ACTL6A: variants seen among roughly 807,000 people sequenced by gnomAD.
ACTL6A encodes actin like 6A, also known as actin-like protein 6A.
Under a neutral mutation model 59.2 loss-of-function variants are expected in ACTL6A, and 5 were observed. The ratio of observed to expected loss-of-function variants is 0.08; its 90% CI spans 0.04 to 0.18. ACTL6A has a LOEUF of 0.18. ACTL6A is among the 10% of genes least tolerant of loss of function. The pLI is 1.00. For synonymous variants in ACTL6A, 154 were observed against 171.8 expected (o/e 0.90, Z 0.81); for missense variants, 285 against 526.9 (o/e 0.54, Z 4.49).
intron 1 of ACTL6A, among the ~76,000 whole-genome samples, chr3:179,566,187 T>A (rs1181336385): frequency 6.6e-6 from 1 of 152,150 alleles, no homozygotes. Flanking sequence ...GCAATTATGT[T>A]GATGTACAGT....
At chr3:179,565,212 G>A (rs1015573761) in intron 1 of ACTL6A, among the ~76,000 whole-genome samples, 2 of 151,988 alleles carry the variant, frequency 1.3e-5, no homozygotes, top group African/African-American at 2.4e-5. Flanking sequence ...CGAGGCGGGC[G>A]GATCACTTGA....
At chr3:179,586,487 GA>G (rs1718494695) in intron 12 of ACTL6A, 58 bp from the exon 13 acceptor site, 1 of 649,732 alleles carries the variant, frequency 1.5e-6, no homozygotes, top group Admixed American at 4.1e-5. Flanking sequence ...AAAAAAAAAA[GA>G]ATTTTCTAAG....
Position 179,570,330 on chromosome 3 carries a change from A to G in ACTL6A, c.277+89A>G. The G allele has an allele frequency of 1.6e-6, 2 of 1,229,952 alleles. No homozygotes were observed. Among genetic ancestry groups the G allele is most frequent in the Admixed American group, 2.8e-5 (1 of 35,954 alleles). The allele number at this position is 1,229,952 out of a possible 1,614,324, so 76.2% of individuals were successfully genotyped here. On this transcript the variant is annotated intron_variant, in intron 3 of 13. Transcript: ENST00000429709. This position sits in a 1 kb window ranked among gnomAD's most constrained non-coding sequence, Gnocchi z 4.3. ...GTAGCTTCCTATAAGTTGAACATCA[A>G]CCATGGTTTTTTGTTTTGTTTTGTT...
At chr3:179,574,512 T>C in intron 5 of ACTL6A, 45 bp downstream of exon 5, 1 of 1,264,462 alleles carries the variant, frequency 7.9e-7, no homozygotes, top group Non-Finnish European at 1.2e-6. Flanking sequence ...GTATGTACGA[T>C]ACTAATGAAT....
chr3:179,582,149 T>A (rs1017193728), intron 11 of ACTL6A, among the ~76,000 whole-genome samples: 11 of 152,230 alleles, frequency 7.2e-5, no homozygotes, highest in Non-Finnish European at 5.9e-5. Context: ...AATAGTAGTA[T>A]AAGTTTGGGA....
intron 3 of ACTL6A, among the ~76,000 whole-genome samples, chr3:179,573,034 A>G (rs1576851766): frequency 6.6e-6 from 1 of 150,890 alleles, no homozygotes; most frequent in South Asian, 2.1e-4. Context: ...AAGGCCATAC[A>G]ATTCTTCTGT....
In ACTL6A at chr3:179,562,938, G is replaced by C. The variant is rs1006311244; in HGVS notation, c.-155G>C. On this transcript the variant is annotated 5_prime_UTR_variant, in exon 1 of 14. Transcript: ENST00000429709. The stretch of plus-strand genomic sequence containing the variant: ...AGGAGGAGCCAGCAAGTGTGGCTGA[G>C]CTCCGGGGTGTGTGGACGCCGCTTT... The C allele has an allele frequency of 3.2e-6, 3 of 924,502 alleles. No individual in the cohort carries two copies. Among genetic ancestry groups the C allele is most frequent in the East Asian group, 5.3e-5 (2 of 38,078 alleles). 57.3% of individuals were successfully genotyped at this position (924,502 alleles called of 1,614,324 possible).
chr3:179,567,387 T>C (rs147918630), intron 1 of ACTL6A, among the ~76,000 whole-genome samples: 1 of 151,882 alleles, frequency 6.6e-6, no homozygotes, highest in Admixed American at 6.6e-5. Context: ...AATAAATAAA[T>C]AAATAAAGAA....
Position 179,588,051 on chromosome 3 carries a change from CG to C in ACTL6A, c.*42del. 7.0e-7 allele frequency: 1 copy of C among 1,430,688 alleles called. No homozygotes were observed. The highest frequency in any genetic ancestry group is 9.6e-7 in the Non-Finnish European group (1 of 1,043,454). The allele number at this position is 1,430,688 out of a possible 1,614,324, so 88.6% of individuals were successfully genotyped here. ...CTTCTACCTTCCTTTTGTCACCTTA[CG>C]TTTCATAGCTTTAGTATACTCAGGA... On this transcript the variant is annotated 3_prime_UTR_variant, in exon 14 of 14. Coordinates refer to ENST00000429709, the MANE Select transcript of ACTL6A (RefSeq NM_004301.5).
chr3:179,573,436 C>T lies in ACTL6A; in HGVS notation c.345C>T (p.Ala115=). The part of the protein sequence containing the change: ...HTYKMHVKSE[A]SLHPVLMSEA... The stretch of plus-strand genomic sequence containing the variant: ...ACAAAATGCATGTCAAATCAGAAGC[C>T]AGTCTCCATCCTGTTCTCATGTCAG... Residue 115 remains alanine, a synonymous_variant, in exon 4 of 14, where the codon GCC becomes GCT. Coordinates refer to ENST00000429709, the MANE Select transcript of ACTL6A (RefSeq NM_004301.5). The T allele has an allele frequency of 6.3e-7, 1 of 1,589,510 alleles. No individual in the cohort carries two copies. Among genetic ancestry groups the T allele is most frequent in the African/African-American group, 1.4e-5 (1 of 73,398 alleles).
chr3:179,583,780 G>C (rs967979031), intron 12 of ACTL6A: 2 of 178,262 alleles, frequency 1.1e-5, no homozygotes, highest in Non-Finnish European at 2.4e-5. Context: ...TGTCATGAAC[G>C]AGGTGCTGTT....
rs766709056 is a variant in ACTL6A, at chr3:179,580,887, T to G, written c.831-7T>G. The G allele has an allele frequency of 1.3e-6, 2 of 1,583,128 alleles. No individual in the cohort carries two copies. Among genetic ancestry groups the G allele is most frequent in the Non-Finnish European group, 1.7e-6 (2 of 1,170,902 alleles). On this transcript the variant is annotated splice_region_variant and splice_polypyrimidine_tract_variant and intron_variant, in intron 9 of 13. Transcript: ENST00000429709. ...CTTTTGTGTAATACGGTTTAATATG[T>G]TTTCAGAGTGGCTGCACAGATGCCA...
intron 1 of ACTL6A, among the ~76,000 whole-genome samples, chr3:179,565,958 G>A (rs1048432674): frequency 6.6e-6 from 1 of 152,176 alleles, no homozygotes; most frequent in Non-Finnish European, 1.5e-5. Flanking sequence ...TCCCGGTTGA[G>A]ATAAGAGCTC....
intron 3 of ACTL6A, among the ~76,000 whole-genome samples, chr3:179,572,679 C>T (rs1245097800): frequency 6.6e-6 from 1 of 152,030 alleles, no homozygotes; most frequent in African/African-American, 2.4e-5. Context: ...GTGGCGGGCA[C>T]CTGTAATCCC....
At chr3:179,563,521 G>C (rs551644397) in intron 1 of ACTL6A, among the ~76,000 whole-genome samples, 310 of 152,304 alleles carry the variant, frequency 2.0e-3, no homozygotes, top group Admixed American at 2.4e-3. Context: ...GTGTGCGCCC[G>C]CCTAAACTTG....
chr3:179,579,455 T>TATACACACACACACACACACACACAC (rs1553778005), intron 8 of ACTL6A, among the ~76,000 whole-genome samples: 7 of 145,054 alleles, frequency 4.8e-5, no homozygotes, highest in Non-Finnish European at 9.0e-5. Flanking sequence ...TTATATCATA[T>TATACACACACACACACACACACACAC]ACACACACAC....
At chr3:179,563,212 C>G in intron 1 of ACTL6A, 95 bp downstream of exon 1, 1 of 1,512,750 alleles carries the variant, frequency 6.6e-7, no homozygotes, top group Non-Finnish European at 8.9e-7. Flanking sequence ...CGTTCCCTTC[C>G]GGTCTCCCCC....
intron 12 of ACTL6A, 78 bp from the exon 13 acceptor site, chr3:179,586,468 A>T: frequency 2.7e-5 from 10 of 376,540 alleles, no homozygotes; most frequent in South Asian, 1.5e-4. Flanking sequence ...TCTCTATTTG[A>T]AAAAAAAAAA....
chr3:179,569,014 A>T (rs1424576505), intron 1 of ACTL6A, among the ~76,000 whole-genome samples: 4 of 152,214 alleles, frequency 2.6e-5, no homozygotes, highest in Admixed American at 1.3e-4. Flanking sequence ...AGAATAAGTA[A>T]GTGTAATTCT....
Sources: allele counts gnomAD v4.1 joint callset (sites outside exome capture counted in the v4.1 genomes callset), GRCh38; gene constraint gnomAD v4.1.1; non-coding constraint Gnocchi (gnomAD v3.1); transcripts MANE v1.5; gene names NCBI Gene and HGNC (gene_info 2026-07-23, HGNC 2026-07-21).